The following ZNF404 variants were observed in gnomAD, a reference collection of about 807,000 sequenced individuals.
The protein encoded by ZNF404 is zinc finger protein 404.
In ZNF404, 7 loss-of-function variants were observed where a neutral mutation model predicts 7.3. The observed-to-expected ratio is 0.95, with a 90% CI of 0.54 to 1.79. The LOEUF (loss-of-function observed/expected upper bound fraction) is 1.79, where lower values mean the gene tolerates loss of function less well. ZNF404 is among the 40% of genes most tolerant of loss of function. ZNF404 has a pLI of 0.00. For missense variants in ZNF404, 560 were observed against 661.5 expected (o/e 0.85, Z 1.68); for synonymous variants, 191 against 209.9 (o/e 0.91, Z 0.78).
rs1445396946 is a variant in ZNF404, at chr19:43,873,403, A to G, written c.811T>C (p.Tyr271His). 1.2e-6 allele frequency: 2 copies of G among 1,613,520 alleles called. No individual in the cohort carries two copies. The highest frequency in any genetic ancestry group is 1.1e-5 in the South Asian group (1 of 91,060). The change falls in exon 3 of 3, where the codon TAC becomes CAC. Residue 271 changes from tyrosine to histidine, a missense_variant. Transcript: ENST00000587539. ...GCCTTTCCACATTCTTTACATTTGT[A>G]GGGTTTCACACCATGATGAATTTTC... ...HQKIHHGVKP[Y>H]KCKECGKAFG... is the part of the protein sequence containing the mutation.
At chr19:43,880,911 G>A (rs1018167627) in intron 1 of ZNF404, among the ~76,000 whole-genome samples, 3 of 152,146 alleles carry the variant, frequency 2.0e-5, no homozygotes, top group Non-Finnish European at 4.4e-5. Flanking sequence ...TTATGACCAA[G>A]GCTCAATCCA....
rs1055042254 is a variant in ZNF404, at chr19:43,873,271, C to T, written c.943G>A (p.Val315Ile). The T allele has an allele frequency of 5.6e-6, 9 of 1,613,536 alleles. No homozygotes were observed. The highest frequency in any genetic ancestry group is 6.8e-6 in the Non-Finnish European group (8 of 1,179,656). Residue 315 changes from valine to isoleucine, a missense_variant, in exon 3 of 3, where the codon GTT becomes ATT. Physicochemically the swap from Val to Ile is conservative, Grantham distance 29. Coordinates refer to ENST00000587539, the MANE Select transcript of ZNF404 (RefSeq NM_001033719.3). ...CCAGTATGACTTCTTTGATGTTCAA[C>T]AAGTAGATAGCTGCGAACAAAGGCC... ...EKAFVRSYLL[V>I]EHQRSHTGEK... is the part of the protein sequence containing the mutation.
chr19:43,879,938 A>G, intron 2 of ZNF404, 72 bp downstream of exon 2: 1 of 1,577,920 alleles, frequency 6.3e-7, no homozygotes, highest in Non-Finnish European at 8.7e-7. Flanking sequence ...GGCATAGACC[A>G]TAAAATATAC....
Position 43,872,949 on chromosome 19 carries a change from C to T in ZNF404, c.1265G>A (p.Arg422His), listed in dbSNP as rs759418336. The T allele has an allele frequency of 2.5e-5, 40 of 1,606,482 alleles. No homozygotes were observed. In the African/African-American group the frequency reaches 3.3e-4, roughly 13 times the overall value. The change falls in exon 3 of 3, where the codon CGT becomes CAT. Residue 422 changes from arginine (R) to histidine (H), a missense_variant. Physicochemically the swap from Arg to His is conservative, Grantham distance 29. Coordinates refer to ENST00000587539, the MANE Select transcript of ZNF404 (RefSeq NM_001033719.3). This position sits in a 1 kb window ranked among gnomAD's most constrained non-coding sequence, Gnocchi z 4.4. ...TTGATGTGTCTTAAGGTCTCCAACA[C>T]GACTGAAGGCTTTCCCACATTGCTT... ...ECKQCGKAFS[R>H]VGDLKTHQSI... is the part of the protein sequence containing the mutation.
chr19:43,875,404 C>CTTCTA (rs1365232931), intron 2 of ZNF404, among the ~76,000 whole-genome samples: 1 of 152,054 alleles, frequency 6.6e-6, no homozygotes, highest in East Asian at 1.9e-4. Context: ...CAAATTCTAC[C>CTTCTA]TTCTATTCAT....
Position 43,873,786 on chromosome 19 carries a change from T to C in ZNF404, c.428A>G (p.Tyr143Cys). 2.5e-6 allele frequency: 4 copies of C among 1,611,974 alleles called. No homozygotes were observed. Among genetic ancestry groups the C allele is most frequent in the Non-Finnish European group, 3.4e-6 (4 of 1,179,630 alleles). Residue 143 changes from tyrosine to cysteine, a missense_variant, in exon 3 of 3, where the codon TAT becomes TGT. By Grantham distance (194) the Tyr-to-Cys change is radical (BLOSUM62 -2). Transcript: ENST00000587539. ...CKEYKKGFRK[Y>C]LHLTEHLRDH... Reference sequence around the variant, plus strand: ...TCTCAGATGTTCAGTAAGGTGCAAATATTTTCTAAAGCCCTTCTTATATTC... The same window carrying C: ...TCTCAGATGTTCAGTAAGGTGCAAACATTTTCTAAAGCCCTTCTTATATTC...
At chr19:43,878,764 T>A (rs909250177) in intron 2 of ZNF404, among the ~76,000 whole-genome samples, 1 of 152,174 alleles carries the variant, frequency 6.6e-6, no homozygotes, top group Non-Finnish European at 1.5e-5. Context: ...ACTCCCTGAT[T>A]CTAAGTACAG....
At position 43,879,997 on chromosome 19, in the gene ZNF404, C is replaced by T. The variant is rs2146621107; in HGVS notation, c.136+13G>A. 1.2e-6 allele frequency: 2 copies of T among 1,612,830 alleles called. No individual in the cohort carries two copies. The highest frequency in any genetic ancestry group is 8.5e-7 in the Non-Finnish European group (1 of 1,179,122). ...AGAGCATATTGTACATCATTTTGTG[C>T]AGATATTCTTACCCAATGAGACCAA... On this transcript the variant is annotated intron_variant, in intron 2 of 2. Coordinates refer to ENST00000587539, the MANE Select transcript of ZNF404 (RefSeq NM_001033719.3).
At chr19:43,883,636 C>T (rs542413163) in intron 1 of ZNF404, among the ~76,000 whole-genome samples, 1 of 152,268 alleles carries the variant, frequency 6.6e-6, no homozygotes, top group East Asian at 1.9e-4. Flanking sequence ...GACCATTGTT[C>T]CTATGCCACG....
At chr19:43,878,392 G>A (rs1164314683) in intron 2 of ZNF404, among the ~76,000 whole-genome samples, 2 of 151,994 alleles carry the variant, frequency 1.3e-5, no homozygotes, top group East Asian at 1.9e-4. Flanking sequence ...TTTGAGAAGT[G>A]TCTGTTCATG....
At position 43,874,093 on chromosome 19, in the gene ZNF404, AAAAC is replaced by A. The variant is rs1971835419; in HGVS notation, c.137-20_137-17del. ...AAATTAAAGTCTGGAAGAAAATGAA[AAAAC>A]AAACAAATGCTATTTTCCAATAATA... On this transcript the variant is annotated splice_polypyrimidine_tract_variant and intron_variant, in intron 2 of 2. Coordinates refer to ENST00000587539, the MANE Select transcript of ZNF404 (RefSeq NM_001033719.3). 2.0e-6 allele frequency: 3 copies of A among 1,498,326 alleles called. No homozygotes were observed. Among genetic ancestry groups the A allele is most frequent in the Non-Finnish European group, 2.7e-6 (3 of 1,125,426 alleles). 92.8% of individuals were successfully genotyped at this position (1,498,326 alleles called of 1,614,324 possible). A position where few individuals can be genotyped will look rare whatever the true frequency, so the allele number is the denominator to read the frequency against.
chr19:43,883,823 A>G, intron 1 of ZNF404, 133 bp downstream of exon 1: 1 of 877,208 alleles, frequency 1.1e-6, no homozygotes, highest in Non-Finnish European at 1.8e-6. Flanking sequence ...CCATCACTGG[A>G]ATGGGAGGAA....
Position 43,873,046 on chromosome 19 carries a change from T to C in ZNF404, c.1168A>G (p.Lys390Glu), listed in dbSNP as rs1173545372. ...AGATATGAATGAAGCTTAAAAGTCT[T>C]CCCACATTCTTTACATTCATGTGGC... The part of the protein sequence containing the change: ...EKPHECKECG[K>E]TFKLHSYLIQ... Residue 390 changes from lysine to glutamate, a missense_variant, in exon 3 of 3, where the codon AAG becomes GAG. Transcript: ENST00000587539. The C allele has an allele frequency of 6.2e-7, 1 of 1,609,762 alleles. No individual in the cohort carries two copies. The highest frequency in any genetic ancestry group is 1.7e-5 in the Admixed American group (1 of 59,092).
intron 2 of ZNF404, among the ~76,000 whole-genome samples, chr19:43,874,538 C>T (rs1971838605): frequency 6.6e-6 from 1 of 152,092 alleles, no homozygotes; most frequent in Non-Finnish European, 1.5e-5. Context: ...CTTATCCACA[C>T]AAATTCATTT....
In ZNF404 at chr19:43,873,221, T is replaced by C; in HGVS notation, c.993A>G (p.Glu331=). The C allele has an allele frequency of 6.2e-7, 1 of 1,613,594 alleles. No individual in the cohort carries two copies. The highest frequency in any genetic ancestry group is 8.5e-7 in the Non-Finnish European group (1 of 1,179,598). The change falls in exon 3 of 3, where the codon GAA becomes GAG. Residue 331 remains glutamate (E), a synonymous_variant. Coordinates refer to ENST00000587539, the MANE Select transcript of ZNF404 (RefSeq NM_001033719.3). ...HTGEKPHECM[E]CGKAFGKGSS... ...AGCCCTTACCAAAAGCCTTTCCACA[T>C]TCCATGCATTCATGAGGTTTCTCAC...
chr19:43,875,617 G>A (rs1033724598), intron 2 of ZNF404, among the ~76,000 whole-genome samples: 1 of 152,186 alleles, frequency 6.6e-6, no homozygotes, highest in African/African-American at 2.4e-5. Context: ...TATATTGGAC[G>A]TAGGCTGAAG....
At chr19:43,879,955 G>A in intron 2 of ZNF404, 55 bp downstream of exon 2, 1 of 1,601,536 alleles carries the variant, frequency 6.2e-7, no homozygotes, top group Admixed American at 1.7e-5. Flanking sequence ...ATACAACAGA[G>A]AAGGCTGATA....
intron 2 of ZNF404, 46 bp from the exon 3 acceptor site, chr19:43,874,123 G>C (rs1242902146): frequency 3.1e-6 from 4 of 1,285,122 alleles, no homozygotes; most frequent in Non-Finnish European, 4.2e-6. Context: ...TCCAATAATA[G>C]GGGTAGGGAG....
At position 43,873,924 on chromosome 19, in the gene ZNF404, C is replaced by T. The variant is rs749695278; in HGVS notation, c.290G>A (p.Gly97Glu). ...RTDPQYTIEF[G>E]RQQRPKVGCF... ...TCCCACTTTAGGTCTCTGTTGTCTC[C>T]CAAATTCAATTGTGTACTGTGGGTC... is the stretch of plus-strand genomic sequence containing the variant. Residue 97 changes from glycine (G) to glutamate (E), a missense_variant, in exon 3 of 3, where the codon GGG (glycine) becomes GAG (glutamate). Coordinates refer to ENST00000587539, the MANE Select transcript of ZNF404 (RefSeq NM_001033719.3). 4.5e-5 allele frequency: 73 copies of T among 1,612,880 alleles called. No individual in the cohort carries two copies. Among genetic ancestry groups the T allele is most frequent in the Non-Finnish European group, 5.9e-5 (69 of 1,179,456 alleles).
Sources: allele counts gnomAD v4.1 joint callset (sites outside exome capture counted in the v4.1 genomes callset), GRCh38; gene constraint gnomAD v4.1.1; non-coding constraint Gnocchi (gnomAD v3.1); transcripts MANE v1.5; gene names NCBI Gene and HGNC (gene_info 2026-07-23, HGNC 2026-07-21).